The following ENDOD1 variants were observed in gnomAD, a reference collection of about 807,000 sequenced individuals.
ENDOD1 encodes endonuclease domain-containing 1 protein.
A neutral mutation model predicts 6.5 loss-of-function variants in ENDOD1; 9 were observed. That is an observed-to-expected ratio of 1.39 (90% confidence interval 0.84 to 2.43). The LOEUF (loss-of-function observed/expected upper bound fraction) is 2.43. Ranked by LOEUF, ENDOD1 falls within the 30% of genes most tolerant of loss-of-function variation. ENDOD1 has a pLI of 0.00. For missense variants in ENDOD1, 648 were observed against 635.5 expected (o/e 1.02, Z -0.21); for synonymous variants, 255 against 255.2 (o/e 1.00, Z 0.01).
chr11:95,099,005 C>G (rs1859012401), intron 1 of ENDOD1, among the ~76,000 whole-genome samples: 1 of 152,182 alleles, frequency 6.6e-6, no homozygotes. Context: ...GTTTCTAGCT[C>G]TGGCAGTCAC....
At chr11:95,093,880 C>G (rs1265843450) in intron 1 of ENDOD1, among the ~76,000 whole-genome samples, 1 of 152,158 alleles carries the variant, frequency 6.6e-6, no homozygotes, top group Non-Finnish European at 1.5e-5. Flanking sequence ...ATTTTGATCT[C>G]TGCTCTGCCT....
chr11:95,110,678 C>A (rs971261014), intron 1 of ENDOD1, among the ~76,000 whole-genome samples: 15 of 152,080 alleles, frequency 9.9e-5, no homozygotes, highest in African/African-American at 3.4e-4. Flanking sequence ...CCATTCTTCC[C>A]AGTCAGTCAT....
chr11:95,090,683 T>G (rs1555109826), intron 1 of ENDOD1, among the ~76,000 whole-genome samples: 2 of 152,142 alleles, frequency 1.3e-5, no homozygotes, highest in Non-Finnish European at 2.9e-5. Flanking sequence ...CATCCCCATT[T>G]TACAGAAGAG....
intron 1 of ENDOD1, among the ~76,000 whole-genome samples, chr11:95,104,270 A>G (rs1190201942): frequency 6.6e-6 from 1 of 152,088 alleles, no homozygotes; most frequent in African/African-American, 2.4e-5. Context: ...GATGTGGGGA[A>G]ACCCCGTCTC....
At chr11:95,111,954 C>T (rs1859155077) in intron 1 of ENDOD1, among the ~76,000 whole-genome samples, 1 of 152,230 alleles carries the variant, frequency 6.6e-6, no homozygotes, top group South Asian at 2.1e-4. Flanking sequence ...TCCTCTTTCT[C>T]TCCTGCCTCT....
At chr11:95,114,515 T>C (rs1316074661) in intron 1 of ENDOD1, among the ~76,000 whole-genome samples, 1 of 152,220 alleles carries the variant, frequency 6.6e-6, no homozygotes, top group Non-Finnish European at 1.5e-5. Flanking sequence ...GTGATCCATT[T>C]GTCCATTTTT....
At chr11:95,097,686 A>G (rs898495877) in intron 1 of ENDOD1, among the ~76,000 whole-genome samples, 5 of 152,228 alleles carry the variant, frequency 3.3e-5, no homozygotes, top group Non-Finnish European at 5.9e-5. Flanking sequence ...GAAACCAGTT[A>G]GGAGGTTTCA....
chr11:95,092,583 C>T (rs1477781580), intron 1 of ENDOD1, among the ~76,000 whole-genome samples: 2 of 152,184 alleles, frequency 1.3e-5, no homozygotes, highest in Non-Finnish European at 2.9e-5. Context: ...GCTGAGAGGT[C>T]AGAATGGTCA....
chr11:95,128,957 G>A lies in ENDOD1; in HGVS notation c.881G>A (p.Arg294Gln), dbSNP rs200901212. ...GTTAACCAAATCCAGGATGAAGAACGAATGGTACAATCTCAAAAGAGTTCT... is the reference window on the plus strand; with the variant it reads ...GTTAACCAAATCCAGGATGAAGAACAAATGGTACAATCTCAAAAGAGTTCT... Reference protein sequence around the residue: ...EVVNQIQDEERMVQSQKSSSP... With the variant: ...EVVNQIQDEEQMVQSQKSSSP... Residue 294 changes from arginine to glutamine, a missense_variant, in exon 2 of 2, where the codon CGA becomes CAA. By Grantham distance (43) the Arg-to-Gln change is conservative. Transcript: ENST00000278505. 6.8e-6 allele frequency: 11 copies of A among 1,613,990 alleles called. No individual in the cohort carries two copies. Among genetic ancestry groups the A allele is most frequent in the South Asian group, 2.2e-5 (2 of 91,048 alleles).
At chr11:95,100,875 T>TTTG (rs1555110792) in intron 1 of ENDOD1, among the ~76,000 whole-genome samples, 1 of 147,442 alleles carries the variant, frequency 6.8e-6, no homozygotes, top group Non-Finnish European at 1.5e-5. Context: ...GTTTTTTTTT[T>TTTG]TTTTTTTTTT....
intron 1 of ENDOD1, among the ~76,000 whole-genome samples, chr11:95,095,688 C>G (rs547929149): frequency 1.6e-4 from 25 of 152,302 alleles, no homozygotes; most frequent in Middle Eastern, 3.4e-3. Flanking sequence ...CACATTCTAA[C>G]TCATCTCATC....
chr11:95,105,342 TC>T (rs1859079335), intron 1 of ENDOD1, among the ~76,000 whole-genome samples: 1 of 152,234 alleles, frequency 6.6e-6, no homozygotes, highest in Admixed American at 6.5e-5. Context: ...ATACTTGAAA[TC>T]ATCTGTAGAT....
chr11:95,096,227 C>CTTTTTTGTTTT (rs1858982453), intron 1 of ENDOD1, among the ~76,000 whole-genome samples: 1 of 49,962 alleles, frequency 2.0e-5, no homozygotes, highest in East Asian at 6.8e-4. Flanking sequence ...GTCAAGAAAG[C>CTTTTTTGTTTT]TTTTTTTTTT....
chr11:95,124,364 G>A lies in ENDOD1; in HGVS notation c.301-4013G>A, dbSNP rs181228857. 2.3e-3 allele frequency among the ~76,000 whole-genome samples: 343 copies of A among 152,286 alleles called. 2 individuals carry two copies. Among genetic ancestry groups the A allele is most frequent in the Non-Finnish European group, 2.9e-3 (197 of 68,028 alleles). On this transcript the variant is annotated intron_variant, in intron 1 of 1. Transcript: ENST00000278505. ...TAAATTGGTAGTTCAAAAAATATTA[G>A]TCTCCAATCCATCTCCCCATCACTA...
intron 1 of ENDOD1, among the ~76,000 whole-genome samples, chr11:95,114,720 A>C (rs531281081): frequency 6.6e-6 from 1 of 152,124 alleles, no homozygotes; most frequent in South Asian, 2.1e-4. Context: ...ATGGATATTT[A>C]GTTTTCCTGG....
intron 1 of ENDOD1, among the ~76,000 whole-genome samples, chr11:95,103,217 TTTGTTCCC>T (rs1859058748): frequency 6.6e-6 from 1 of 152,074 alleles, no homozygotes; most frequent in African/African-American, 2.4e-5. Context: ...TTATCATGAC[TTTGTTCCC>T]TTCTCTACCA....
Position 95,124,663 on chromosome 11 carries a change from G to C in ENDOD1, c.301-3714G>C, listed in dbSNP as rs747146801. Among the ~76,000 whole-genome samples the C allele has an allele frequency of 1.8e-4, 28 of 152,206 alleles. 1 individual carries two copies. Among genetic ancestry groups the C allele is most frequent in the Non-Finnish European group, 7.3e-5 (5 of 68,040 alleles). On this transcript the variant is annotated intron_variant, in intron 1 of 1. Transcript: ENST00000278505. The stretch of plus-strand genomic sequence containing the variant: ...GGGCCACGGCCTTCCCAGCCACCTT[G>C]GTTCGATCCTGGCTTATTTGCCATG...
rs147667368 is a variant in ENDOD1, at chr11:95,131,295, A to T, written c.*1716A>T. ...GAGCATAAAGTTTGGATGTCCCTTT[A>T]TTTCAGCAGTGTGAAGGTAAATGGA... On this transcript the variant is annotated 3_prime_UTR_variant, in exon 2 of 2. Transcript: ENST00000278505. 2.0e-5 allele frequency: 3 copies of T among 152,312 alleles called. No individual in the cohort carries two copies. The East Asian group carries it at 5.8e-4, about 29-fold the overall frequency. The allele number at this position is 152,312 out of a possible 1,614,324, so 9.4% of individuals were successfully genotyped here. A position where few individuals can be genotyped will look rare whatever the true frequency, so the allele number is the denominator to read the frequency against.
chr11:95,125,531 G>A (rs1256375), intron 1 of ENDOD1, among the ~76,000 whole-genome samples: 3 of 151,952 alleles, frequency 2.0e-5, no homozygotes, highest in East Asian at 1.9e-4. Flanking sequence ...CCATGTTGGT[G>A]TGCTGCACCC....
Sources: gnomAD v4.1 joint callset for allele counts (sites outside exome capture counted in the v4.1 genomes callset) on GRCh38, gnomAD v4.1.1 for gene constraint, MANE v1.5 for transcripts, NCBI Gene and HGNC (gene_info 2026-07-23, HGNC 2026-07-21) for gene names.